ZNF280D: variants seen among roughly 807,000 people sequenced by gnomAD.
The protein encoded by ZNF280D is zinc finger protein 280D, also known as suppressor of hairy wing homolog 4.
In ZNF280D, 39 loss-of-function variants were observed where a neutral mutation model predicts 94.7. That is an observed-to-expected ratio of 0.41 (90% CI 0.32 to 0.54). The LOEUF (loss-of-function observed/expected upper bound fraction) is 0.54. Among genes scored for constraint, ZNF280D ranks in the 20% least tolerant of loss-of-function variants. The pLI is 0.22. For synonymous variants in ZNF280D, 398 were observed against 377.6 expected (o/e 1.05, Z -0.63); for missense variants, 1,090 against 1,149.3 (o/e 0.95, Z 0.75).
Position 56,632,012 on chromosome 15 carries a change from T to C in ZNF280D, c.2426A>G (p.Glu809Gly), listed in dbSNP as rs375675511. Residue 809 changes from glutamate to glycine, a missense_variant, in exon 22 of 22, where the codon GAA becomes GGA. Physicochemically the swap from Glu to Gly is moderately conservative, Grantham distance 98. This residue lies in a region of ZNF280D where 577 missense variants were observed against 568.8 expected (regional missense o/e 1.01). Transcript: ENST00000267807. ...CTGGTCTGCAAGACAGGTTTCATTT[T>C]CCTTATCTGAAACTGTTATGCTTTC... ...SEESITVSDK[E>G]NETCLADQET... 1.2e-6 allele frequency: 2 copies of C among 1,614,040 alleles called. No homozygotes were observed. The highest frequency in any genetic ancestry group is 1.7e-5 in the Admixed American group (1 of 60,022).
intron 1 of ZNF280D, among the ~76,000 whole-genome samples, chr15:56,711,693 T>G (rs1332203731): frequency 6.6e-6 from 1 of 152,128 alleles, no homozygotes. Context: ...CTGATCCCAA[T>G]TCTGTTATAC....
chr15:56,669,876 T>TATATATATATATATTATATATATATA (rs1566959478), intron 13 of ZNF280D, among the ~76,000 whole-genome samples: 1 of 5,536 alleles, frequency 1.8e-4, no homozygotes, highest in Non-Finnish European at 4.3e-4. Context: ...ATATATTTTA[T>TATATATATATATATTATATATATATA]ATATATATAT....
chr15:56,725,118 C>A (rs1000406006), intron 1 of ZNF280D: 16 of 254,034 alleles, frequency 6.3e-5, no homozygotes, highest in African/African-American at 3.6e-4. Flanking sequence ...CAAAGGTAAC[C>A]CACAAAATAA....
rs553463122 is a variant in ZNF280D, at chr15:56,700,311, C to T, written c.381+622G>A. The T allele has an allele frequency of 2.8e-3, 1,293 of 468,832 alleles. 1 individual carries two copies. The highest frequency in any genetic ancestry group is 3.1e-3 in the Non-Finnish European group (1,124 of 357,888). 29.0% of individuals were successfully genotyped at this position (468,832 alleles called of 1,614,324 possible). On this transcript the variant is annotated intron_variant, in intron 6 of 21. Transcript: ENST00000267807. ...AATAAATCTTTCAACCTCTATGAGC[C>T]TCAGTTTCCTCAACTAAAAAATGAG...
chr15:56,700,480 AAAAG>A, intron 6 of ZNF280D: 1 of 968,402 alleles, frequency 1.0e-6, no homozygotes, highest in Non-Finnish European at 1.2e-6. Context: ...TTGTAACAAA[AAAAG>A]TGGGAGTTTT....
intron 13 of ZNF280D, among the ~76,000 whole-genome samples, chr15:56,670,797 C>T (rs2140915251): frequency 6.6e-6 from 1 of 152,202 alleles, no homozygotes; most frequent in African/African-American, 2.4e-5. Flanking sequence ...TACACTCCCA[C>T]CAACAGTATA....
At chr15:56,723,737 C>T (rs1234591062) in intron 1 of ZNF280D, among the ~76,000 whole-genome samples, 4 of 152,048 alleles carry the variant, frequency 2.6e-5, no homozygotes, top group South Asian at 4.1e-4. Context: ...TACTTGACCA[C>T]GCCCATAGAA....
intron 1 of ZNF280D, among the ~76,000 whole-genome samples, chr15:56,707,837 C>T (rs2057508105): frequency 6.6e-6 from 1 of 151,010 alleles, no homozygotes; most frequent in South Asian, 2.1e-4. Context: ...ATGTGCTAAG[C>T]TCAGGGGAAA....
intron 16 of ZNF280D, among the ~76,000 whole-genome samples, chr15:56,659,523 A>G: frequency 6.6e-6 from 1 of 152,116 alleles, no homozygotes; most frequent in East Asian, 1.9e-4. Context: ...ATTGTTAATT[A>G]TCTTACTGTG....
intron 3 of ZNF280D, among the ~76,000 whole-genome samples, 164 bp downstream of exon 3, chr15:56,706,918 A>G (rs1377361780): frequency 6.6e-6 from 1 of 152,164 alleles, no homozygotes; most frequent in Non-Finnish European, 1.5e-5. Flanking sequence ...TATTTTACTC[A>G]CTTTTTTATT....
At chr15:56,700,874 A>G (rs1419168195) in intron 6 of ZNF280D, 59 bp downstream of exon 6, 1 of 1,613,178 alleles carries the variant, frequency 6.2e-7, no homozygotes, top group South Asian at 1.1e-5. Context: ...TACTGTTGAT[A>G]TTGATAAACA....
At chr15:56,665,498 G>T (rs1412647720) in intron 16 of ZNF280D, among the ~76,000 whole-genome samples, 1 of 151,978 alleles carries the variant, frequency 6.6e-6, no homozygotes, top group Admixed American at 6.6e-5. Context: ...TAATGAAAAA[G>T]AATTCCAAAA....
At chr15:56,634,234 T>A (rs911559724) in intron 21 of ZNF280D, 5 of 152,178 alleles carry the variant, frequency 3.3e-5, no homozygotes, top group African/African-American at 9.6e-5. Context: ...CTCATTAATT[T>A]CAATCACTTA....
At position 56,631,675 on chromosome 15, in the gene ZNF280D, C is replaced by T; in HGVS notation, c.2763G>A (p.Leu921=). Reference sequence around the variant, plus strand: ...CATACTCAAGTACCTCGGATGGAGTCAGAGGTTCCAAATGAATACTGCCTT... The same window carrying T: ...CATACTCAAGTACCTCGGATGGAGTTAGAGGTTCCAAATGAATACTGCCTT... ...SEQGSIHLEP[L]TPSEVLEYEA... Residue 921 remains leucine, a synonymous_variant, in exon 22 of 22, where the codon CTG becomes CTA. Coordinates refer to ENST00000267807, the MANE Select transcript of ZNF280D (RefSeq NM_017661.4). The T allele has an allele frequency of 6.2e-7, 1 of 1,614,104 alleles. No individual in the cohort carries two copies. Among genetic ancestry groups the T allele is most frequent in the South Asian group, 1.1e-5 (1 of 91,072 alleles).
chr15:56,717,953 A>G (rs2141365512), intron 1 of ZNF280D, among the ~76,000 whole-genome samples: 1 of 152,300 alleles, frequency 6.6e-6, no homozygotes, highest in South Asian at 2.1e-4. Context: ...GGTGAGAAAG[A>G]TCATCAAAGA....
intron 19 of ZNF280D, chr15:56,653,849 A>T: frequency 8.1e-7 from 1 of 1,237,000 alleles, no homozygotes; most frequent in Non-Finnish European, 1.0e-6. Context: ...AAAAAAAAAT[A>T]TGTTAAGATA....
At chr15:56,677,525 A>T in intron 12 of ZNF280D, 49 bp downstream of exon 12, 6 of 1,398,806 alleles carry the variant, frequency 4.3e-6, no homozygotes, top group Non-Finnish European at 6.0e-6. Flanking sequence ...TTATAACCAA[A>T]ACAACAAACA....
chr15:56,688,319 C>G (rs1408433683), intron 9 of ZNF280D, among the ~76,000 whole-genome samples: 1 of 151,664 alleles, frequency 6.6e-6, no homozygotes, highest in African/African-American at 2.4e-5. Context: ...GATGAAACCC[C>G]ATCTCTACTA....
chr15:56,651,400 A>C (rs1481140562), intron 19 of ZNF280D, among the ~76,000 whole-genome samples: 3 of 152,236 alleles, frequency 2.0e-5, no homozygotes, highest in African/African-American at 7.2e-5. Context: ...CATTAGCACT[A>C]AACTGAAAAT....
Sources: allele counts gnomAD v4.1 joint callset (sites outside exome capture counted in the v4.1 genomes callset), GRCh38; gene constraint gnomAD v4.1.1; regional missense constraint gnomAD v4.1.1; transcripts MANE v1.5; gene names NCBI Gene and HGNC (gene_info 2026-07-23, HGNC 2026-07-21).